NELL1: variants seen among roughly 807,000 people sequenced by gnomAD.
The protein encoded by NELL1 is neural EGFL like 1, also known as protein kinase C-binding protein NELL1.
A neutral mutation model predicts 107.4 loss-of-function variants in NELL1; 76 were observed. That is an observed-to-expected ratio of 0.71 (90% CI 0.59 to 0.86). The LOEUF (loss-of-function observed/expected upper bound fraction) is 0.86. Among genes scored for constraint, NELL1 ranks in the 40% least tolerant of loss-of-function variants. NELL1 has a pLI of 0.00. For missense variants in NELL1, 1,024 were observed against 1,005.5 expected (o/e 1.02, Z -0.25); for synonymous variants, 353 against 341.2 (o/e 1.03, Z -0.38).
chr11:21,350,091 T>C (rs1321647214), intron 14 of NELL1, among the ~76,000 whole-genome samples: 2 of 152,140 alleles, frequency 1.3e-5, no homozygotes, highest in African/African-American at 4.8e-5. Context: ...GATCATCACA[T>C]CCATTTTTTT....
intron 15 of NELL1, among the ~76,000 whole-genome samples, chr11:21,403,354 A>C (rs1404540558): frequency 6.6e-6 from 1 of 151,768 alleles, no homozygotes; most frequent in Non-Finnish European, 1.5e-5. Flanking sequence ...AAGGCTTTAC[A>C]AGTGACAGAA....
At chr11:20,866,865 G>A (rs1423080790) in intron 4 of NELL1, among the ~76,000 whole-genome samples, 1 of 152,146 alleles carries the variant, frequency 6.6e-6, no homozygotes, top group East Asian at 1.9e-4. Flanking sequence ...AAGGAAATCA[G>A]CTCCTCGAAC....
intron 2 of NELL1, among the ~76,000 whole-genome samples, chr11:20,762,821 C>G (rs1411900267): frequency 6.6e-6 from 1 of 152,008 alleles, no homozygotes; most frequent in Non-Finnish European, 1.5e-5. Context: ...GGGTCTGGAT[C>G]ATTTGGTATG....
intron 14 of NELL1, among the ~76,000 whole-genome samples, chr11:21,243,657 A>C (rs1858419999): frequency 6.6e-6 from 1 of 152,176 alleles, no homozygotes; most frequent in South Asian, 2.1e-4. Flanking sequence ...AGTACTGTTC[A>C]ACTGAAAGAT....
intron 12 of NELL1, among the ~76,000 whole-genome samples, chr11:21,009,335 T>C (rs1312259829): frequency 6.6e-6 from 1 of 152,144 alleles, no homozygotes; most frequent in Non-Finnish European, 1.5e-5. Context: ...GAAGGTCTTC[T>C]GTTTGTTAGA....
chr11:21,113,234 G>T (rs1490573698), intron 12 of NELL1, among the ~76,000 whole-genome samples: 3 of 151,936 alleles, frequency 2.0e-5, no homozygotes, highest in African/African-American at 7.2e-5. Flanking sequence ...CATGTACTGT[G>T]GACACCTAAT....
chr11:21,166,790 C>T (rs577545938), intron 13 of NELL1, among the ~76,000 whole-genome samples: 1 of 151,872 alleles, frequency 6.6e-6, no homozygotes, highest in East Asian at 1.9e-4. Flanking sequence ...AATAAATGTA[C>T]AGATGAAGAA....
intron 15 of NELL1, among the ~76,000 whole-genome samples, chr11:21,402,475 T>C (rs1852121323): frequency 6.6e-6 from 1 of 151,808 alleles, no homozygotes. Context: ...ATTTATGCTG[T>C]GTCAGCCATT....
chr11:21,483,550 A>G (rs1854544336), intron 15 of NELL1, among the ~76,000 whole-genome samples: 1 of 152,106 alleles, frequency 6.6e-6, no homozygotes, highest in Non-Finnish European at 1.5e-5. Flanking sequence ...TTCGTTTAGC[A>G]ATTAAAAATG....
Position 21,337,785 on chromosome 11 carries a change from T to TTTCTTTCTTTCTTTCC in NELL1, c.1550-33057_1550-33056insTTTCCTTCTTTCTTTC. On this transcript the variant is annotated intron_variant, in intron 14 of 19. Coordinates refer to ENST00000357134, the MANE Select transcript of NELL1 (RefSeq NM_006157.5). ...CTTTCTTTCTTTCTTTCTTTCTTTC[T>TTTCTTTCTTTCTTTCC]TTCTTTCTTTCCTTCTTTCTTTCTT... 2.0e-4 allele frequency among the ~76,000 whole-genome samples: 28 copies of TTTCTTTCTTTCTTTCC among 140,298 alleles called. No individual in the cohort carries two copies. The South Asian group carries it at 7.1e-3, about 35-fold the overall frequency. 92.0% of individuals were successfully genotyped at this position (140,298 alleles called of 152,430 possible).
At chr11:21,318,494 A>G (rs1422160852) in intron 14 of NELL1, among the ~76,000 whole-genome samples, 2 of 152,188 alleles carry the variant, frequency 1.3e-5, no homozygotes, top group African/African-American at 4.8e-5. Flanking sequence ...TTATTGCTCT[A>G]TCAGACCATA....
chr11:21,059,325 A>C (rs374284026), intron 12 of NELL1, among the ~76,000 whole-genome samples: 68 of 150,336 alleles, frequency 4.5e-4, no homozygotes, highest in African/African-American at 1.5e-3. Context: ...CATAGTCAGT[A>C]CTCAGTGAAC....
At chr11:20,895,932 T>C (rs1849727621) in intron 5 of NELL1, among the ~76,000 whole-genome samples, 1 of 152,180 alleles carries the variant, frequency 6.6e-6, no homozygotes, top group Non-Finnish European at 1.5e-5. Flanking sequence ...ATTGTGTATA[T>C]AGGCCACATT....
chr11:20,936,168 G>C (rs934805160), intron 9 of NELL1, among the ~76,000 whole-genome samples: 2 of 152,140 alleles, frequency 1.3e-5, no homozygotes, highest in Non-Finnish European at 2.9e-5. Flanking sequence ...CCTACAGGGA[G>C]CTTTGGAGCT....
At chr11:20,889,015 A>C (rs2134112574) in intron 5 of NELL1, among the ~76,000 whole-genome samples, 1 of 152,366 alleles carries the variant, frequency 6.6e-6, no homozygotes, top group Non-Finnish European at 1.5e-5. Flanking sequence ...TGCCCAAAGC[A>C]AGTCATATGG....
intron 14 of NELL1, among the ~76,000 whole-genome samples, chr11:21,306,336 G>C (rs1412862541): frequency 1.3e-5 from 2 of 151,958 alleles, no homozygotes; most frequent in African/African-American, 4.8e-5. Context: ...GTAGAGTAAA[G>C]GTGCTCCCAA....
chr11:21,523,000 A>G (rs1047464937), intron 15 of NELL1, among the ~76,000 whole-genome samples: 8 of 149,910 alleles, frequency 5.3e-5, no homozygotes, highest in African/African-American at 1.7e-4. Flanking sequence ...GCCCACCACC[A>G]CGCCCGGCTG....
rs552198207 is a variant in NELL1 at position 21,082,185 on chromosome 11, A to G, written c.1301-31404A>G. 4.6e-5 allele frequency among the ~76,000 whole-genome samples: 7 copies of G among 152,254 alleles called. No individual in the cohort carries two copies. In the South Asian group the frequency reaches 8.3e-4, roughly 18 times the overall value. ...TCTTGGTTTAGGCAGCTGAATTAGG[A>G]CATGCTTGTTGGGGCTGCATCCTGA... On this transcript the variant is annotated intron_variant, in intron 12 of 19. Transcript: ENST00000357134.
At chr11:20,753,429 T>G (rs1564893993) in intron 2 of NELL1, among the ~76,000 whole-genome samples, 2 of 12,100 alleles carry the variant, frequency 1.7e-4, no homozygotes, top group Admixed American at 3.1e-3. Flanking sequence ...ATATGTCATA[T>G]TTTTTTTCCT....
Sources: gnomAD v4.1 joint callset for allele counts (sites outside exome capture counted in the v4.1 genomes callset) on GRCh38, gnomAD v4.1.1 for gene constraint, MANE v1.5 for transcripts, NCBI Gene and HGNC (gene_info 2026-07-23, HGNC 2026-07-21) for gene names.